CACNA2D3: variants seen among roughly 807,000 people sequenced by gnomAD.
CACNA2D3 encodes the protein calcium voltage-gated channel auxiliary subunit alpha2delta 3, also known as voltage-dependent calcium channel subunit alpha-2/delta-3.
A neutral mutation model predicts 160.6 loss-of-function variants in CACNA2D3; 60 were observed. That is an observed-to-expected ratio of 0.37 (90% CI 0.30 to 0.46). CACNA2D3 has a LOEUF of 0.46. CACNA2D3 is among the 20% of genes least tolerant of loss of function. The pLI is 1.00. For synonymous variants in CACNA2D3, 558 were observed against 492.9 expected (o/e 1.13, Z -1.75); for missense variants, 1,205 against 1,365.0 (o/e 0.88, Z 1.85).
chr3:54,585,967 T>C (rs1318350222), intron 9 of CACNA2D3, among the ~76,000 whole-genome samples: 1 of 152,094 alleles, frequency 6.6e-6, no homozygotes, highest in Non-Finnish European at 1.5e-5. Context: ...ATGCTGACTA[T>C]AAGAAACTCA....
At chr3:54,608,568 C>A (rs1012066637) in intron 9 of CACNA2D3, among the ~76,000 whole-genome samples, 1 of 151,942 alleles carries the variant, frequency 6.6e-6, no homozygotes, top group African/African-American at 2.4e-5. Flanking sequence ...GTTTAACCAC[C>A]GTAAGGTTTT....
chr3:54,644,220 C>T lies in CACNA2D3; in HGVS notation c.1167+1979C>T, dbSNP rs375612794. 5.3e-5 allele frequency among the ~76,000 whole-genome samples: 8 copies of T among 152,110 alleles called. 1 individual carries two copies. The highest frequency in any genetic ancestry group is 1.7e-4 in the African/African-American group (7 of 41,500). ...AATAGTATTCATTTTAGGCCAGATGCGTTCTTGGATTAATTGAAACCAGAA... is the reference window on the plus strand; with the variant it reads ...AATAGTATTCATTTTAGGCCAGATGTGTTCTTGGATTAATTGAAACCAGAA... On this transcript the variant is annotated intron_variant, in intron 11 of 37. Coordinates refer to ENST00000474759, the MANE Select transcript of CACNA2D3 (RefSeq NM_018398.3).
At chr3:54,579,155 A>C (rs1485750475) in intron 8 of CACNA2D3, among the ~76,000 whole-genome samples, 3 of 152,206 alleles carry the variant, frequency 2.0e-5, no homozygotes, top group African/African-American at 7.2e-5. Context: ...GAGAGGAAGT[A>C]AAACCACGGT....
chr3:54,669,200 AT>A (rs1369037060), intron 11 of CACNA2D3, among the ~76,000 whole-genome samples: 1 of 152,168 alleles, frequency 6.6e-6, no homozygotes, highest in Non-Finnish European at 1.5e-5. Flanking sequence ...ATGCTCTGCT[AT>A]TTTCATCTTG....
chr3:54,826,516 C>T (rs1703753354), intron 14 of CACNA2D3, among the ~76,000 whole-genome samples: 2 of 152,136 alleles, frequency 1.3e-5, no homozygotes, highest in African/African-American at 4.8e-5. Context: ...AGAAATGACT[C>T]ACGAAATTGA....
intron 9 of CACNA2D3, among the ~76,000 whole-genome samples, chr3:54,596,601 C>T (rs759073412): frequency 2.6e-5 from 4 of 151,982 alleles, no homozygotes; most frequent in East Asian, 3.9e-4. Flanking sequence ...CTGCATGATA[C>T]GCCTTTTGCT....
intron 35 of CACNA2D3, among the ~76,000 whole-genome samples, chr3:55,023,789 A>G (rs1392566811): frequency 6.6e-6 from 1 of 151,904 alleles, no homozygotes; most frequent in African/African-American, 2.4e-5. Flanking sequence ...TATAATTAGA[A>G]TACATATTTT....
At chr3:54,997,971 A>G (rs909279713) in intron 31 of CACNA2D3, among the ~76,000 whole-genome samples, 9 of 152,212 alleles carry the variant, frequency 5.9e-5, no homozygotes, top group Non-Finnish European at 1.3e-4. Context: ...GCTTTAAACT[A>G]TGAGACCTGG....
intron 27 of CACNA2D3, among the ~76,000 whole-genome samples, chr3:54,946,230 G>A (rs1457377008): frequency 6.6e-6 from 1 of 152,122 alleles, no homozygotes. Context: ...CCTAGCTTCA[G>A]GCTGCAGGTT....
intron 5 of CACNA2D3, among the ~76,000 whole-genome samples, chr3:54,510,067 G>A (rs143171517): frequency 2.6e-5 from 4 of 152,272 alleles, no homozygotes; most frequent in Non-Finnish European, 5.9e-5. Flanking sequence ...TCATGAATGA[G>A]TAGGTGGATG....
At chr3:54,996,635 G>C (rs1387633954) in intron 31 of CACNA2D3, among the ~76,000 whole-genome samples, 1 of 152,130 alleles carries the variant, frequency 6.6e-6, no homozygotes, top group Non-Finnish European at 1.5e-5. Context: ...TGCTCTCCAG[G>C]ACAATGGGAA....
chr3:54,748,093 A>G (rs1490949499), intron 11 of CACNA2D3, among the ~76,000 whole-genome samples: 7 of 152,216 alleles, frequency 4.6e-5, no homozygotes, highest in Non-Finnish European at 1.0e-4. Flanking sequence ...TACACGTGAT[A>G]GATGACAAAC....
At chr3:55,049,917 G>C (rs1345709872) in intron 35 of CACNA2D3, among the ~76,000 whole-genome samples, 1 of 150,690 alleles carries the variant, frequency 6.6e-6, no homozygotes, top group Non-Finnish European at 1.5e-5. Flanking sequence ...CAGAGACTAG[G>C]ATTGCAACCC....
intron 17 of CACNA2D3, among the ~76,000 whole-genome samples, chr3:54,849,606 G>A (rs1180099244): frequency 6.6e-6 from 1 of 152,218 alleles, no homozygotes; most frequent in African/African-American, 2.4e-5. Flanking sequence ...GCTGCTAGCA[G>A]CTTCTCTGGC....
At chr3:54,786,956 A>T (rs1575475235) in intron 13 of CACNA2D3, among the ~76,000 whole-genome samples, 1 of 152,230 alleles carries the variant, frequency 6.6e-6, no homozygotes, top group Non-Finnish European at 1.5e-5. Flanking sequence ...TAGATTTTCA[A>T]ATTTCCCAAC....
At chr3:54,188,226 TAAAAACAAACAAACAAAC>T (rs1700912172) in intron 2 of CACNA2D3, among the ~76,000 whole-genome samples, 1 of 135,452 alleles carries the variant, frequency 7.4e-6, no homozygotes, top group East Asian at 2.2e-4. Flanking sequence ...AGGGAGAACT[TAAAAACAAACAAACAAAC>T]AAACAAACAA....
chr3:54,447,283 A>G (rs1700238555), intron 4 of CACNA2D3, among the ~76,000 whole-genome samples: 1 of 152,244 alleles, frequency 6.6e-6, no homozygotes, highest in Admixed American at 6.5e-5. Context: ...ATTTGTTGCC[A>G]AGAAGATTAA....
intron 11 of CACNA2D3, among the ~76,000 whole-genome samples, chr3:54,668,565 C>T (rs562206808): frequency 1.3e-5 from 2 of 152,314 alleles, no homozygotes; most frequent in South Asian, 2.1e-4. Flanking sequence ...TCACTTTTGG[C>T]ATTTGCTTTG....
chr3:54,707,872 C>T (rs2106958330), intron 11 of CACNA2D3, among the ~76,000 whole-genome samples: 1 of 152,220 alleles, frequency 6.6e-6, no homozygotes, highest in Non-Finnish European at 1.5e-5. Context: ...ATAGAAGGAG[C>T]TGTTTATCTG....
Sources: allele counts gnomAD v4.1 joint callset (sites outside exome capture counted in the v4.1 genomes callset), GRCh38; gene constraint gnomAD v4.1.1; transcripts MANE v1.5; gene names NCBI Gene and HGNC (gene_info 2026-07-23, HGNC 2026-07-21).